TTC28: variants seen among roughly 807,000 people sequenced by gnomAD.
TTC28 encodes the protein tetratricopeptide repeat domain 28, also known as tetratricopeptide repeat protein 28.
TTC28 carries 61 observed loss-of-function variants against 198.0 expected under a neutral mutation model. The ratio of observed to expected loss-of-function variants is 0.31; its 90% CI spans 0.25 to 0.38. TTC28 has a LOEUF of 0.38. TTC28 is among the 10% of genes least tolerant of loss of function. The probability of loss-of-function intolerance (pLI) is 1.00; values close to 1 mark genes in which losing one functional copy is unlikely to be tolerated. For missense variants in TTC28, 2,678 were observed against 3,164.0 expected (o/e 0.85, Z 3.69); for synonymous variants, 1,171 against 1,297.8 (o/e 0.90, Z 2.10).
Position 28,107,566 on chromosome 22 carries a change from A to G in TTC28, c.2279T>C (p.Leu760Pro). Residue 760 changes from leucine to proline, a missense_variant, in exon 7 of 23, where the codon CTG becomes CCG. Around this residue, in one of 8 missense-constraint regions of TTC28, gnomAD observed 775 missense variants for 845.9 expected, o/e 0.92. Transcript: ENST00000397906. Reference sequence around the variant, plus strand: ...CTGGATCATTCGGTATGCAGTGCCCAGGGCTGCATATGCACTGGCTTCTAA... The same window carrying G: ...CTGGATCATTCGGTATGCAGTGCCCGGGGCTGCATATGCACTGGCTTCTAA... Reference protein sequence around the residue: ...RRLEASAYAALGTAYRMIQKY... With the variant: ...RRLEASAYAAPGTAYRMIQKY... The G allele has an allele frequency of 6.4e-7, 1 of 1,551,810 alleles. No homozygotes were observed. The highest frequency in any genetic ancestry group is 8.7e-7 in the Non-Finnish European group (1 of 1,147,036).
At chr22:28,312,984 A>C (rs1280131673) in intron 2 of TTC28, among the ~76,000 whole-genome samples, 1 of 152,196 alleles carries the variant, frequency 6.6e-6, no homozygotes, top group Non-Finnish European at 1.5e-5. Context: ...TAAACAAGAA[A>C]AAAGAGAAGA....
intron 2 of TTC28, among the ~76,000 whole-genome samples, chr22:28,561,997 C>T (rs1479185518): frequency 6.6e-6 from 1 of 152,164 alleles, no homozygotes; most frequent in Non-Finnish European, 1.5e-5. Flanking sequence ...TATATCTCTA[C>T]TATCTAACAC....
At chr22:28,490,337 C>T (rs2048359911) in intron 2 of TTC28, among the ~76,000 whole-genome samples, 1 of 152,114 alleles carries the variant, frequency 6.6e-6, no homozygotes, top group South Asian at 2.1e-4. Flanking sequence ...TCTCATTGCA[C>T]CCCCATTGCT....
chr22:28,191,702 A>G (rs1924779919), intron 5 of TTC28, among the ~76,000 whole-genome samples: 1 of 152,232 alleles, frequency 6.6e-6, no homozygotes, highest in African/African-American at 2.4e-5. Flanking sequence ...CTAGCGCAGC[A>G]GTCTGAGATC....
chr22:28,324,879 G>C (rs1183453739), intron 2 of TTC28, among the ~76,000 whole-genome samples: 1 of 152,220 alleles, frequency 6.6e-6, no homozygotes, highest in African/African-American at 2.4e-5. Flanking sequence ...AGTGTTGGAA[G>C]TTCTGGCCAG....
intron 5 of TTC28, among the ~76,000 whole-genome samples, chr22:28,198,779 TA>T (rs1925614667): frequency 6.6e-6 from 1 of 152,112 alleles, no homozygotes; most frequent in Non-Finnish European, 1.5e-5. Context: ...AAGTTACCCT[TA>T]GTGTTGGTAT....
Position 27,982,191 on chromosome 22 carries a change from T to C in TTC28, c.*30A>G. ...AAACGCCAGGCCCCCATCTGCAGGC[T>C]GCTCAGAGTCAGTGGGTATAAAAGA... On this transcript the variant is annotated 3_prime_UTR_variant, in exon 23 of 23. Transcript: ENST00000397906. The surrounding 1 kb of genome is among the most constrained non-coding windows in gnomAD (Gnocchi z 5.2). The C allele has an allele frequency of 6.9e-7, 1 of 1,455,814 alleles. No individual in the cohort carries two copies. Among genetic ancestry groups the C allele is most frequent in the African/African-American group, 1.4e-5 (1 of 69,810 alleles). The allele number at this position is 1,455,814 out of a possible 1,614,324, so 90.2% of individuals were successfully genotyped here.
chr22:28,120,188 T>C lies in TTC28; in HGVS notation c.1442-11785A>G, dbSNP rs564966497. ...AATACCAAGTATGTGACTCCTAAAA[T>C]AGGCAATTCTAGCTCTGAGTTCTCT... On this transcript the variant is annotated intron_variant, in intron 6 of 22. Transcript: ENST00000397906. Among the ~76,000 whole-genome samples, 32 of 152,282 alleles carry C rather than the reference T, an allele frequency of 2.1e-4. 1 individual carries two copies. In the South Asian group the frequency reaches 6.6e-3, roughly 32 times the overall value.
intron 14 of TTC28, among the ~76,000 whole-genome samples, chr22:28,010,476 A>C (rs1228647966): frequency 6.6e-6 from 1 of 152,180 alleles, no homozygotes; most frequent in Non-Finnish European, 1.5e-5. Flanking sequence ...CTGGGGAAGC[A>C]CTGGGATGGG....
At chr22:28,065,906 C>A (rs1382195909) in intron 12 of TTC28, among the ~76,000 whole-genome samples, 1 of 152,176 alleles carries the variant, frequency 6.6e-6, no homozygotes, top group Non-Finnish European at 1.5e-5. Context: ...TCTGCCAACA[C>A]AATCAAAGAC....
intron 2 of TTC28, among the ~76,000 whole-genome samples, chr22:28,391,712 T>C (rs2046724166): frequency 6.6e-6 from 1 of 152,230 alleles, no homozygotes; most frequent in Non-Finnish European, 1.5e-5. Context: ...TAAGCACTTC[T>C]CTGTATTGGT....
At chr22:28,525,844 A>C (rs2048994753) in intron 2 of TTC28, among the ~76,000 whole-genome samples, 1 of 152,238 alleles carries the variant, frequency 6.6e-6, no homozygotes, top group Non-Finnish European at 1.5e-5. Flanking sequence ...TAACTCCATA[A>C]GTAACAGGAC....
chr22:28,016,052 C>T (rs1206948156), intron 13 of TTC28, among the ~76,000 whole-genome samples: 1 of 152,094 alleles, frequency 6.6e-6, no homozygotes, highest in Non-Finnish European at 1.5e-5. Flanking sequence ...ACCACTTGAC[C>T]TAAATTCTAG....
chr22:28,246,536 G>A (rs951699924), intron 5 of TTC28, among the ~76,000 whole-genome samples: 1 of 152,078 alleles, frequency 6.6e-6, no homozygotes, highest in Admixed American at 6.5e-5. Flanking sequence ...AACTATGCTA[G>A]GAATAGACCC....
chr22:28,328,782 AT>A (rs1405858318), intron 2 of TTC28, among the ~76,000 whole-genome samples: 1 of 147,258 alleles, frequency 6.8e-6, no homozygotes, highest in Non-Finnish European at 1.5e-5. Context: ...AATAATAATA[AT>A]AATAATAATA....
At chr22:28,090,472 G>A (rs569210394) in intron 12 of TTC28, among the ~76,000 whole-genome samples, 1 of 151,994 alleles carries the variant, frequency 6.6e-6, no homozygotes, top group African/African-American at 2.4e-5. Flanking sequence ...AATTATTGTT[G>A]TATATTTAGG....
intron 2 of TTC28, among the ~76,000 whole-genome samples, chr22:28,431,000 A>ATAC (rs2047421817): frequency 6.6e-6 from 1 of 152,012 alleles, no homozygotes; most frequent in Non-Finnish European, 1.5e-5. Context: ...TCAAGTTAAA[A>ATAC]TACTACTCTA....
rs71194768 is a variant in TTC28, at chr22:28,452,389, CAAAAAAAAAAAAA to C, written c.382-145759_382-145747del. ...TGGGCAACAGAGCGAGATTCCATCTCAAAAAAAAAAAAAAAAAAAAAAAAAAAAAGAGGCTGTA... is the reference window on the plus strand; with the variant it reads ...TGGGCAACAGAGCGAGATTCCATCTCAAAAAAAAAAAAAAAAGAGGCTGTA... On this transcript the variant is annotated intron_variant, in intron 2 of 22. Transcript: ENST00000397906. 2.6e-3 allele frequency among the ~76,000 whole-genome samples: 111 copies of C among 43,248 alleles called. 2 individuals carry two copies. The East Asian group carries it at 0.05, about 20-fold the overall frequency. 28.4% of individuals were successfully genotyped at this position (43,248 alleles called of 152,430 possible). A position where few individuals can be genotyped will look rare whatever the true frequency, so the allele number is the denominator to read the frequency against.
intron 12 of TTC28, among the ~76,000 whole-genome samples, chr22:28,063,331 T>C (rs115723640): frequency 6.6e-6 from 1 of 152,190 alleles, no homozygotes; most frequent in African/African-American, 2.4e-5. Flanking sequence ...CAGAACAGAA[T>C]GGCTGTAGTT....
Sources: gnomAD v4.1 joint callset for allele counts (sites outside exome capture counted in the v4.1 genomes callset) on GRCh38, gnomAD v4.1.1 for gene constraint, gnomAD v4.1.1 regional missense constraint, Gnocchi (gnomAD v3.1) non-coding constraint, MANE v1.5 for transcripts, NCBI Gene and HGNC (gene_info 2026-07-23, HGNC 2026-07-21) for gene names.